HEATR1: variants seen among roughly 807,000 people sequenced by gnomAD.
HEATR1 encodes HEAT repeat-containing protein 1.
In HEATR1, 77 loss-of-function variants were observed where a neutral mutation model predicts 248.2. That is an observed-to-expected ratio of 0.31 (90% CI 0.26 to 0.37). The LOEUF is 0.37. Ranked by LOEUF, HEATR1 falls within the 10% of genes least tolerant of loss-of-function variation. HEATR1 has a pLI of 1.00. For missense variants in HEATR1, 2,420 were observed against 2,504.9 expected (o/e 0.97, Z 0.72); for synonymous variants, 897 against 923.1 (o/e 0.97, Z 0.51).
intron 5 of HEATR1, among the ~76,000 whole-genome samples, chr1:236,597,503 T>C (rs936954818): frequency 6.6e-6 from 1 of 152,154 alleles, no homozygotes; most frequent in Non-Finnish European, 1.5e-5. Flanking sequence ...TCCGCCTGCC[T>C]TGGCCTCCCA....
intron 4 of HEATR1, among the ~76,000 whole-genome samples, chr1:236,598,563 T>C (rs1461724632): frequency 6.6e-6 from 1 of 152,196 alleles, no homozygotes; most frequent in African/African-American, 2.4e-5. Context: ...TTTGATGCTA[T>C]GGGCAGAGTG....
chr1:236,597,192 G>T (rs910023057), intron 5 of HEATR1, among the ~76,000 whole-genome samples: 6 of 149,662 alleles, frequency 4.0e-5, no homozygotes, highest in Non-Finnish European at 8.9e-5. Flanking sequence ...ATGCAACAAT[G>T]AATACACAAT....
rs1663461815 is a variant in HEATR1, at chr1:236,572,766, C to T, written c.3522G>A (p.Leu1174=). Residue 1174 remains leucine, a synonymous_variant, in exon 25 of 45, where the codon TTG becomes TTA. Coordinates refer to ENST00000366582, the MANE Select transcript of HEATR1 (RefSeq NM_018072.6). ...GCCTTCTTTTTTGCTGAACTGTGCC[C>T]AAGGGTTTAGCTTTATCTGGTGGCT... The part of the protein sequence containing the change: ...ELEPPDKAKP[L]GTVQQKRRQK... 6.2e-7 allele frequency: 1 copy of T among 1,613,828 alleles called. No homozygotes were observed. The highest frequency in any genetic ancestry group is 1.7e-5 in the Admixed American group (1 of 59,992).
Position 236,599,585 on chromosome 1 carries a change from A to G in HEATR1, c.399T>C (p.Ala133=). Residue 133 remains alanine, a synonymous_variant, in exon 4 of 45, where the codon GCT becomes GCC. Coordinates refer to ENST00000366582, the MANE Select transcript of HEATR1 (RefSeq NM_018072.6). ...IHLYNQDSLI[A]CVLPYHETRI... ...TTGTCTCGTGGTATGGCAGAACACA[A>G]GCAATGAGGCTATCTTGATTATAGA... 6.2e-7 allele frequency: 1 copy of G among 1,613,848 alleles called. No individual in the cohort carries two copies. Among genetic ancestry groups the G allele is most frequent in the Non-Finnish European group, 8.5e-7 (1 of 1,179,844 alleles).
At chr1:236,577,274 C>T (rs957520689) in intron 20 of HEATR1, among the ~76,000 whole-genome samples, 1 of 152,084 alleles carries the variant, frequency 6.6e-6, no homozygotes, top group African/African-American at 2.4e-5. Flanking sequence ...GCCTCAGCCT[C>T]TTGAGCAGCT....
intron 37 of HEATR1, 93 bp downstream of exon 37, chr1:236,557,100 AAC>A: frequency 7.6e-7 from 1 of 1,308,872 alleles, no homozygotes; most frequent in Non-Finnish European, 1.0e-6. Context: ...GTCAAACGGA[AAC>A]TAACCCTTAA....
intron 3 of HEATR1, among the ~76,000 whole-genome samples, chr1:236,602,587 G>A (rs918089474): frequency 6.6e-6 from 1 of 152,204 alleles, no homozygotes; most frequent in Non-Finnish European, 1.5e-5. Context: ...CCTCAAGTGT[G>A]CAGGAACAAG....
intron 42 of HEATR1, among the ~76,000 whole-genome samples, 179 bp downstream of exon 42, chr1:236,554,419 A>G (rs1662881893): frequency 6.6e-6 from 1 of 152,206 alleles, no homozygotes; most frequent in Admixed American, 6.5e-5. Context: ...CTCAAATTCC[A>G]CAATGAAGTT....
chr1:236,577,270 G>T (rs1663588185), intron 20 of HEATR1, among the ~76,000 whole-genome samples: 1 of 152,054 alleles, frequency 6.6e-6, no homozygotes, highest in Non-Finnish European at 1.5e-5. Flanking sequence ...TCCTGCCTCA[G>T]CCTCTTGAGC....
chr1:236,573,017 A>G (rs978261907), intron 24 of HEATR1, among the ~76,000 whole-genome samples, 189 bp from the exon 25 acceptor site: 2 of 152,190 alleles, frequency 1.3e-5, no homozygotes, highest in African/African-American at 2.4e-5. Context: ...CCAGAATGAG[A>G]AGAAAGCAAA....
rs10925169 is a variant in HEATR1 at position 236,592,055 on chromosome 1, G to T, written c.1360C>A (p.Leu454Met). 18 of 1,609,080 alleles carry T rather than the reference G, an allele frequency of 1.1e-5. No homozygotes were observed. The highest frequency in any genetic ancestry group is 7.7e-6 in the Non-Finnish European group (9 of 1,176,374). ...LEEHLKEIAD[L>M]KKQELFHQFV... ...TGATGGAAAAGCTCTTGTTTTTTCA[G>T]ATCTGCAATTTCCTTTAAGTGTTCC... The change falls in exon 11 of 45, where the codon CTG (leucine) becomes ATG (methionine). Residue 454 changes from leucine to methionine, a missense_variant. By Grantham distance (15) the Leu-to-Met change is conservative (BLOSUM62 2). Transcript: ENST00000366582.
At chr1:236,579,271 C>T (rs1663646090) in intron 20 of HEATR1, among the ~76,000 whole-genome samples, 1 of 152,188 alleles carries the variant, frequency 6.6e-6, no homozygotes, top group Admixed American at 6.5e-5. Context: ...CCTGCAGCTG[C>T]AATGTATCTT....
chr1:236,571,803 C>T (rs911201603), intron 26 of HEATR1, 117 bp from the exon 27 acceptor site: 21 of 703,724 alleles, frequency 3.0e-5, no homozygotes, highest in Non-Finnish European at 5.3e-5. Flanking sequence ...TAAGGAATAA[C>T]TAAAATACTA....
intron 20 of HEATR1, among the ~76,000 whole-genome samples, chr1:236,577,505 T>C (rs76048956): frequency 8.9e-6 from 1 of 112,726 alleles, no homozygotes; most frequent in African/African-American, 3.2e-5. Context: ...TTTTTTTTTT[T>C]CAGATGGAGT....
intron 24 of HEATR1, among the ~76,000 whole-genome samples, 166 bp from the exon 25 acceptor site, chr1:236,572,994 A>G (rs1663469887): frequency 6.6e-6 from 1 of 152,214 alleles, no homozygotes; most frequent in South Asian, 2.1e-4. Context: ...CTTGTTACAG[A>G]CTTCTTGAAA....
In HEATR1 at chr1:236,603,309, G is replaced by T; in HGVS notation, c.210C>A (p.Phe70Leu). ...GCTCCAAGGTTTTTGCTAGCTGACTGAACAACGGTGCTTCAAACTGCTCAA... is the reference window on the plus strand; with the variant it reads ...GCTCCAAGGTTTTTGCTAGCTGACTTAACAACGGTGCTTCAAACTGCTCAA... The part of the protein sequence containing the change: ...PSFEQFEAPL[F>L]SQLAKTLERS... The change falls in exon 3 of 45, where the codon TTC becomes TTA. Residue 70 changes from phenylalanine (F) to leucine (L), a missense_variant. Coordinates refer to ENST00000366582, the MANE Select transcript of HEATR1 (RefSeq NM_018072.6). 6.2e-7 allele frequency: 1 copy of T among 1,614,148 alleles called. No homozygotes were observed. Among genetic ancestry groups the T allele is most frequent in the Non-Finnish European group, 8.5e-7 (1 of 1,180,010 alleles).
In HEATR1 at chr1:236,559,129, C is replaced by A. The variant is rs1195565660; in HGVS notation, c.4777G>T (p.Ala1593Ser). The A allele has an allele frequency of 6.4e-7, 1 of 1,565,174 alleles. No individual in the cohort carries two copies. Among genetic ancestry groups the A allele is most frequent in the African/African-American group, 1.4e-5 (1 of 71,928 alleles). ...KAYDLLDKVN[A>S]LLPTETFIPV... ...ATGAATGTCTCTGTGGGCAGCAAGG[C>A]ATTGACCTAAAGAGAAATTTTATAT... Residue 1593 changes from alanine (A) to serine (S), a missense_variant, in exon 35 of 45, where the codon GCC becomes TCC. By Grantham distance (99) the Ala-to-Ser change is moderately conservative (BLOSUM62 1). Transcript: ENST00000366582.
Position 236,596,941 on chromosome 1 carries a change from C to T in HEATR1, c.639G>A (p.Leu213=). ...AAGCATAGAAAGCCAAGAGCACCCT[C>T]AACTGAGCTGAGCTGCCCGGGTACT... The part of the protein sequence containing the change: ...FAEYPGSSAQ[L]RVLLAFYAST... Residue 213 remains leucine, a synonymous_variant, in exon 6 of 45, where the codon TTG becomes TTA. Transcript: ENST00000366582. 6.2e-7 allele frequency: 1 copy of T among 1,614,038 alleles called. No homozygotes were observed. Among genetic ancestry groups the T allele is most frequent in the Non-Finnish European group, 8.5e-7 (1 of 1,179,990 alleles).
intron 20 of HEATR1, among the ~76,000 whole-genome samples, chr1:236,577,701 T>C (rs768405599): frequency 5.3e-5 from 8 of 151,978 alleles, no homozygotes; most frequent in Non-Finnish European, 8.8e-5. Context: ...TTGGTCAGGC[T>C]GGTCTCGAAC....
Sources: gnomAD v4.1 joint callset for allele counts (sites outside exome capture counted in the v4.1 genomes callset) on GRCh38, gnomAD v4.1.1 for gene constraint, MANE v1.5 for transcripts, NCBI Gene and HGNC (gene_info 2026-07-23, HGNC 2026-07-21) for gene names.